Variants in PCDHGB3 observed in about 807,000 individuals in gnomAD.
PCDHGB3 encodes protocadherin gamma subfamily B, 3.
In PCDHGB3, 40 loss-of-function variants were observed where a neutral mutation model predicts 59.2. The observed-to-expected ratio is 0.68, with a 90% CI of 0.52 to 0.88. The LOEUF (loss-of-function observed/expected upper bound fraction) is 0.88. PCDHGB3 is among the 40% of genes least tolerant of loss of function. PCDHGB3 has a pLI of 0.00. For missense variants in PCDHGB3, 1,309 were observed against 1,187.9 expected (o/e 1.10, Z -1.50); for synonymous variants, 581 against 503.6 (o/e 1.15, Z -2.06).
chr5:141,409,872 A>G (rs1283725014), intron 1 of PCDHGB3: 1 of 1,612,710 alleles, frequency 6.2e-7, no homozygotes, highest in Non-Finnish European at 8.5e-7. Flanking sequence ...GACCGCAATG[A>G]CAACGCACCG....
chr5:141,425,795 T>A (rs2096894407), intron 1 of PCDHGB3, among the ~76,000 whole-genome samples: 1 of 152,244 alleles, frequency 6.6e-6, no homozygotes, highest in Non-Finnish European at 1.5e-5. Flanking sequence ...TTCCAATATG[T>A]GCATTGCTTC....
At position 141,371,900 on chromosome 5, in the gene PCDHGB3, G is replaced by T; in HGVS notation, c.1506G>T (p.Ser502=). 2.5e-6 allele frequency: 4 copies of T among 1,613,378 alleles called. No homozygotes were observed. Among genetic ancestry groups the T allele is most frequent in the Middle Eastern group, 1.6e-4 (1 of 6,062 alleles). The change falls in exon 1 of 4, where the codon TCG becomes TCT. Residue 502 remains serine, a synonymous_variant. Transcript: ENST00000576222. ...VASDLEPREL[S]SYVSVSARSG... is the part of the protein sequence containing the mutation. ...GTGACCTGGAGCCGCGGGAGCTGTC[G>T]TCCTACGTGTCCGTGAGCGCGCGGA...
intron 1 of PCDHGB3, chr5:141,423,461 A>G (rs1590478217): frequency 6.2e-7 from 1 of 1,613,982 alleles, no homozygotes; most frequent in Non-Finnish European, 8.5e-7. Context: ...GTAGGCGTGG[A>G]CGGGGTACAG....
At chr5:141,407,875 A>G (rs957717882) in intron 1 of PCDHGB3, 8 of 361,396 alleles carry the variant, frequency 2.2e-5, no homozygotes, top group African/African-American at 8.4e-5. Context: ...AAGAATATAT[A>G]CATTTCGGAG....
intron 1 of PCDHGB3, among the ~76,000 whole-genome samples, chr5:141,397,572 C>T (rs374731219): frequency 1.8e-4 from 27 of 152,196 alleles, no homozygotes; most frequent in Middle Eastern, 3.4e-3. Context: ...AGAGCAAGAA[C>T]TGTATCATAT....
Position 141,485,792 on chromosome 5 carries a change from G to T in PCDHGB3, c.2416-9015G>T, listed in dbSNP as rs114766079. 6.2e-6 allele frequency: 10 copies of T among 1,614,118 alleles called. No individual in the cohort carries two copies. In the Admixed American group the frequency reaches 1.3e-4, roughly 22 times the overall value. ...GCCTTTGGATCGAGAGAAGCAATCG[G>T]ACTACCGCCTGGTGCTGACTGCTGT... On this transcript the variant is annotated intron_variant, in intron 1 of 3. Transcript: ENST00000576222. This position sits in a 1 kb window ranked among gnomAD's most constrained non-coding sequence, Gnocchi z 5.7.
intron 1 of PCDHGB3, chr5:141,422,019 G>C: frequency 6.2e-7 from 1 of 1,610,862 alleles, no homozygotes; most frequent in Non-Finnish European, 8.5e-7. Context: ...GGGTGCTGAT[G>C]GTTAATGCAA....
chr5:141,395,178 G>T (rs1201622292), intron 1 of PCDHGB3: 2 of 1,614,142 alleles, frequency 1.2e-6, no homozygotes, highest in Non-Finnish European at 1.7e-6. Context: ...TGAGAAAAAT[G>T]ATTCTTTGTT....
intron 1 of PCDHGB3, chr5:141,428,374 C>G: frequency 1.9e-6 from 1 of 530,640 alleles, no homozygotes; most frequent in South Asian, 1.9e-5. Context: ...CTTGCACCTG[C>G]GATGCTCTTC....
At chr5:141,393,592 G>C in intron 1 of PCDHGB3, 1 of 1,613,908 alleles carries the variant, frequency 6.2e-7, no homozygotes, top group Non-Finnish European at 8.5e-7. Context: ...CCAGGCACGC[G>C]GCTGCTTACT....
intron 1 of PCDHGB3, chr5:141,442,111 C>A: frequency 6.0e-6 from 1 of 166,354 alleles, no homozygotes; most frequent in Non-Finnish European, 1.3e-5. Context: ...CACTACCGCC[C>A]CTCGTCGCCG....
At chr5:141,403,585 C>A in intron 1 of PCDHGB3, 1 of 1,613,894 alleles carries the variant, frequency 6.2e-7, no homozygotes, top group South Asian at 1.1e-5. Context: ...ACCACCTGGT[C>A]CTCACGGCCT....
At chr5:141,389,939 G>A in intron 1 of PCDHGB3, 1 of 1,614,082 alleles carries the variant, frequency 6.2e-7, no homozygotes, top group Non-Finnish European at 8.5e-7. Context: ...TCCAGGCTGA[G>A]CTGCAGTTTT....
In PCDHGB3 at chr5:141,476,235, A is replaced by G; in HGVS notation, c.2416-18572A>G. ...GTCATTCACTATGAGATCCCGGAGG[A>G]AAGAGAGAAGGGTTTCGCTGTGGGC... is the stretch of plus-strand genomic sequence containing the variant. On this transcript the variant is annotated intron_variant, in intron 1 of 3. Coordinates refer to ENST00000576222, the MANE Select transcript of PCDHGB3 (RefSeq NM_018924.5). The surrounding 1 kb of genome is among the most constrained non-coding windows in gnomAD (Gnocchi z 7.6). 2 of 1,613,844 alleles carry G rather than the reference A, an allele frequency of 1.2e-6. No homozygotes were observed. Among genetic ancestry groups the G allele is most frequent in the Admixed American group, 1.7e-5 (1 of 59,990 alleles).
chr5:141,458,540 TTTTG>T (rs754668779), intron 1 of PCDHGB3, among the ~76,000 whole-genome samples: 43 of 150,468 alleles, frequency 2.9e-4, no homozygotes, highest in East Asian at 1.7e-3. Context: ...ATCAACTTTA[TTTTG>T]TTTGTTTGTT....
intron 1 of PCDHGB3, chr5:141,375,886 C>A: frequency 1.2e-6 from 2 of 1,613,822 alleles, no homozygotes; most frequent in South Asian, 2.2e-5. Flanking sequence ...CGGGCCAGAA[C>A]GCCTGGCTGT....
At chr5:141,413,353 C>T (rs2095629361) in intron 1 of PCDHGB3, 2 of 1,613,844 alleles carry the variant, frequency 1.2e-6, no homozygotes, top group Middle Eastern at 1.6e-4. Context: ...GGGTCTGGCG[C>T]CCCGGGAGCT....
In PCDHGB3 at chr5:141,393,718, C is replaced by G. The variant is rs185464441; in HGVS notation, c.2415+20909C>G. Reference sequence around the variant, plus strand: ...CTTAATGAAAATACTGGGGAAATATCAATAGCAAAAAGTCTAGATTATGAA... The same window carrying G: ...CTTAATGAAAATACTGGGGAAATATGAATAGCAAAAAGTCTAGATTATGAA... On this transcript the variant is annotated intron_variant, in intron 1 of 3. Transcript: ENST00000576222. 1.4e-4 allele frequency: 220 copies of G among 1,613,644 alleles called. 1 individual carries two copies. Among genetic ancestry groups the G allele is most frequent in the Non-Finnish European group, 1.8e-4 (214 of 1,179,840 alleles).
intron 1 of PCDHGB3, chr5:141,377,269 TG>T (rs1449007533): frequency 2.1e-5 from 3 of 142,478 alleles, no homozygotes; most frequent in Non-Finnish European, 4.5e-5. Context: ...TTTTCTAATG[TG>T]GGAAAAAAAA....
Sources: gnomAD v4.1 joint callset for allele counts (sites outside exome capture counted in the v4.1 genomes callset) on GRCh38, gnomAD v4.1.1 for gene constraint, Gnocchi (gnomAD v3.1) non-coding constraint, MANE v1.5 for transcripts, NCBI Gene and HGNC (gene_info 2026-07-23, HGNC 2026-07-21) for gene names.